PDZRN4: variants seen among roughly 807,000 people sequenced by gnomAD.
PDZRN4 encodes PDZ domain-containing RING finger protein 4.
A neutral mutation model predicts 99.0 loss-of-function variants in PDZRN4; 70 were observed. The ratio of observed to expected loss-of-function variants is 0.71; its 90% CI spans 0.58 to 0.86. The LOEUF is 0.86. PDZRN4 is among the 40% of genes least tolerant of loss of function. PDZRN4 has a pLI of 0.00. For missense variants in PDZRN4, 1,474 were observed against 1,331.2 expected, an observed-to-expected ratio of 1.11 and a Z score of -1.67; for synonymous variants, 551 against 501.6, an observed-to-expected ratio of 1.10 and a Z score of -1.32.
intron 3 of PDZRN4, among the ~76,000 whole-genome samples, chr12:41,291,477 T>C (rs1350221811): frequency 2.6e-5 from 4 of 152,164 alleles, no homozygotes; most frequent in African/African-American, 9.7e-5. Flanking sequence ...ATCGGCAAAT[T>C]GGGAATAATG....
At chr12:41,449,889 A>G (rs1041909045) in intron 3 of PDZRN4, among the ~76,000 whole-genome samples, 1 of 152,172 alleles carries the variant, frequency 6.6e-6, no homozygotes, top group Non-Finnish European at 1.5e-5. Flanking sequence ...ATAGTCAAGT[A>G]TAGCTAAATT....
intron 3 of PDZRN4, among the ~76,000 whole-genome samples, chr12:41,220,557 C>T (rs1447672017): frequency 2.0e-5 from 3 of 152,110 alleles, no homozygotes; most frequent in Non-Finnish European, 2.9e-5. Flanking sequence ...CACTCAGTAA[C>T]ATGATTTTAA....
In PDZRN4 at chr12:41,540,103, A is replaced by G. The variant is rs1938822344; in HGVS notation, c.1204-12553A>G. Among the ~76,000 whole-genome samples, 3 of 152,240 alleles carry G rather than the reference A, an allele frequency of 2.0e-5. 1 individual carries two copies. The South Asian group carries it at 6.2e-4, about 32-fold the overall frequency. On this transcript the variant is annotated intron_variant, in intron 5 of 9. Coordinates refer to ENST00000402685, the MANE Select transcript of PDZRN4 (RefSeq NM_001164595.2). ...ATGAGTTTTTTAATGCTTTGGAATTATGACCAGTGACAAAATGTAGAACCT... is the reference window on the plus strand; with the variant it reads ...ATGAGTTTTTTAATGCTTTGGAATTGTGACCAGTGACAAAATGTAGAACCT...
chr12:41,524,504 T>C (rs1938539758), intron 5 of PDZRN4, among the ~76,000 whole-genome samples: 1 of 152,124 alleles, frequency 6.6e-6, no homozygotes, highest in Non-Finnish European at 1.5e-5. Flanking sequence ...GATGCTCATC[T>C]ACAGAAAGGG....
At chr12:41,416,550 G>A (rs942275109) in intron 3 of PDZRN4, among the ~76,000 whole-genome samples, 3 of 152,084 alleles carry the variant, frequency 2.0e-5, no homozygotes, top group Admixed American at 1.3e-4. Flanking sequence ...GAGGCTACTC[G>A]GGAGGCTGAG....
chr12:41,265,525 A>G (rs564107446), intron 3 of PDZRN4, among the ~76,000 whole-genome samples: 62 of 152,316 alleles, frequency 4.1e-4, no homozygotes, highest in African/African-American at 1.3e-3. Flanking sequence ...ATTAAAATAT[A>G]TTGCATCAAA....
chr12:41,496,386 C>G (rs1200679889), intron 3 of PDZRN4, among the ~76,000 whole-genome samples: 1 of 152,070 alleles, frequency 6.6e-6, no homozygotes, highest in East Asian at 1.9e-4. Flanking sequence ...TTTATTTGAT[C>G]CTATCTGCAA....
intron 3 of PDZRN4, among the ~76,000 whole-genome samples, chr12:41,273,568 A>G (rs1163207913): frequency 6.6e-6 from 1 of 152,114 alleles, no homozygotes; most frequent in Non-Finnish European, 1.5e-5. Flanking sequence ...TGAAGCTAGT[A>G]AGGAACTTGT....
rs989430834 is a variant in PDZRN4 at position 41,293,631 on chromosome 12, T to C, written c.843+99443T>C. 3.9e-5 allele frequency among the ~76,000 whole-genome samples: 6 copies of C among 152,188 alleles called. No homozygotes were observed. In the East Asian group the frequency reaches 5.8e-4, roughly 15 times the overall value. The stretch of plus-strand genomic sequence containing the variant: ...TATCCCTGGTATGTTGTACTCCAAG[T>C]AGAGGCAGAAATAACTCATCCTGGC... On this transcript the variant is annotated intron_variant, in intron 3 of 9. Transcript: ENST00000402685.
At chr12:41,513,941 G>T (rs1440511802) in intron 5 of PDZRN4, among the ~76,000 whole-genome samples, 6 of 152,048 alleles carry the variant, frequency 3.9e-5, no homozygotes, top group Admixed American at 1.3e-4. Flanking sequence ...GTCAAGACAA[G>T]CAACAGTTCT....
chr12:41,554,543 C>A (rs1939111337), intron 6 of PDZRN4, among the ~76,000 whole-genome samples: 1 of 151,826 alleles, frequency 6.6e-6, no homozygotes, highest in African/African-American at 2.4e-5. Flanking sequence ...ATGGATCAAC[C>A]TTATGCTACA....
chr12:41,305,053 T>C (rs973100677), intron 3 of PDZRN4, among the ~76,000 whole-genome samples: 3 of 151,930 alleles, frequency 2.0e-5, no homozygotes, highest in Non-Finnish European at 4.4e-5. Context: ...TGCAAAGAAG[T>C]TAGGAGAGGA....
intron 3 of PDZRN4, among the ~76,000 whole-genome samples, chr12:41,317,392 A>C (rs557500897): frequency 3.3e-5 from 5 of 152,004 alleles, no homozygotes; most frequent in South Asian, 4.2e-4. Context: ...AAGATCTTCA[A>C]CTGATTGGAT....
intron 3 of PDZRN4, among the ~76,000 whole-genome samples, chr12:41,358,116 G>A (rs574606919): frequency 4.0e-4 from 61 of 152,102 alleles, no homozygotes; most frequent in Admixed American, 3.5e-3. Context: ...TGAATTTGCA[G>A]ATTTGTGGTA....
At chr12:41,287,714 G>T (rs1279364577) in intron 3 of PDZRN4, among the ~76,000 whole-genome samples, 1 of 152,164 alleles carries the variant, frequency 6.6e-6, no homozygotes, top group Non-Finnish European at 1.5e-5. Context: ...ACTCTGAAAA[G>T]AACTCTTCTT....
At chr12:41,507,077 CAT>C (rs1349429766) in intron 4 of PDZRN4, among the ~76,000 whole-genome samples, 1 of 152,120 alleles carries the variant, frequency 6.6e-6, no homozygotes, top group Non-Finnish European at 1.5e-5. Context: ...TATTAAGACT[CAT>C]GTGGAAGTGG....
At chr12:41,283,038 G>A (rs982980018) in intron 3 of PDZRN4, among the ~76,000 whole-genome samples, 1 of 151,798 alleles carries the variant, frequency 6.6e-6, no homozygotes, top group African/African-American at 2.4e-5. Flanking sequence ...TTGAACCGAA[G>A]GAGATAGGAG....
chr12:41,414,385 A>G (rs1386794981), intron 3 of PDZRN4, among the ~76,000 whole-genome samples: 1 of 152,102 alleles, frequency 6.6e-6, no homozygotes, highest in Non-Finnish European at 1.5e-5. Context: ...AATTTTCTTG[A>G]ATTGGTTCCT....
intron 3 of PDZRN4, among the ~76,000 whole-genome samples, chr12:41,280,922 A>G (rs1172696988): frequency 2.0e-5 from 3 of 152,096 alleles, no homozygotes; most frequent in Admixed American, 6.5e-5. Flanking sequence ...TGACTAGGAG[A>G]CACCTCCCAG....
Sources: allele counts gnomAD v4.1 joint callset (sites outside exome capture counted in the v4.1 genomes callset), GRCh38; gene constraint gnomAD v4.1.1; transcripts MANE v1.5; gene names NCBI Gene and HGNC (gene_info 2026-07-23, HGNC 2026-07-21).